Variants in ACOT7 observed in about 807,000 individuals in gnomAD.
ACOT7 encodes acyl-CoA thioesterase 7, also known as cytosolic acyl coenzyme A thioester hydrolase.
ACOT7 carries 12 observed loss-of-function variants against 40.2 expected under a neutral mutation model. That is an observed-to-expected ratio of 0.30 (90% CI 0.19 to 0.48). The LOEUF is 0.48. Ranked by LOEUF, ACOT7 falls within the 20% of genes least tolerant of loss-of-function variation. The probability of loss-of-function intolerance (pLI) is 0.99; values close to 1 mark genes in which losing one functional copy is unlikely to be tolerated. For synonymous variants in ACOT7, 228 were observed against 219.5 expected (o/e 1.04, Z -0.34); for missense variants, 395 against 530.8 (o/e 0.74, Z 2.51).
intron 6 of ACOT7, among the ~76,000 whole-genome samples, chr1:6,305,477 T>C (rs1397909106): frequency 1.4e-5 from 2 of 142,368 alleles, no homozygotes; most frequent in Non-Finnish European, 3.1e-5. Context: ...CCAGACGGGG[T>C]GGCTGCCGGG....
In ACOT7 at chr1:6,281,262, C is replaced by A; in HGVS notation, c.854G>T (p.Arg285Leu). 6.2e-7 allele frequency: 1 copy of A among 1,613,616 alleles called. No individual in the cohort carries two copies. Among genetic ancestry groups the A allele is most frequent in the Non-Finnish European group, 8.5e-7 (1 of 1,179,988 alleles). The change falls in exon 8 of 9, where the codon CGC becomes CTC. Residue 285 changes from arginine (R) to leucine (L), a missense_variant. Physicochemically the swap from Arg to Leu is moderately radical, Grantham distance 102. Coordinates refer to ENST00000361521, the MANE Select transcript of ACOT7 (RefSeq NM_007274.4). Reference protein sequence around the residue: ...RKGCVITISGRMTFTSNKSME... With the variant: ...RKGCVITISGLMTFTSNKSME... The stretch of plus-strand genomic sequence containing the variant: ...GGACTTATTGCTCGTGAAGGTCATG[C>A]GTCCCGAGATGGTGATGACGCAGCC...
chr1:6,365,986 C>T (rs1417634351), intron 1 of ACOT7, among the ~76,000 whole-genome samples: 2 of 151,604 alleles, frequency 1.3e-5, no homozygotes, highest in African/African-American at 4.8e-5. Flanking sequence ...CCTCTGCCTC[C>T]CGGGTTCAAG....
At chr1:6,265,402 A>G (rs536937966) in intron 8 of ACOT7, among the ~76,000 whole-genome samples, 6 of 152,252 alleles carry the variant, frequency 3.9e-5, no homozygotes, top group Non-Finnish European at 8.8e-5. Context: ...ACTGGGAGCA[A>G]TAGGCCTGCT....
At position 6,274,161 on chromosome 1, in the gene ACOT7, C is replaced by A. The variant is rs1420806737; in HGVS notation, c.1014+6941G>T. Among the ~76,000 whole-genome samples, 1 of 152,180 alleles carries A rather than the reference C, an allele frequency of 6.6e-6. No homozygotes were observed. Among genetic ancestry groups the A allele is most frequent in the Non-Finnish European group, 1.5e-5 (1 of 68,020 alleles). Reference sequence around the variant, plus strand: ...GCAGGCACCATCATGGAAAGCTTGCCCCATGCTTCCTCCTAAGTGCAAAGG... The same window carrying A: ...GCAGGCACCATCATGGAAAGCTTGCACCATGCTTCCTCCTAAGTGCAAAGG... On this transcript the variant is annotated intron_variant, in intron 8 of 8. Transcript: ENST00000361521. This position sits in a 1 kb window ranked among gnomAD's most constrained non-coding sequence, Gnocchi z 5.9.
At chr1:6,305,715 A>G (rs1442729368) in intron 6 of ACOT7, among the ~76,000 whole-genome samples, 1 of 147,340 alleles carries the variant, frequency 6.8e-6, no homozygotes, top group East Asian at 2.0e-4. Flanking sequence ...CTGGGCAGCC[A>G]GGCAGAGAGG....
At chr1:6,290,040 T>C (rs1407729511) in intron 7 of ACOT7, among the ~76,000 whole-genome samples, 1 of 151,822 alleles carries the variant, frequency 6.6e-6, no homozygotes, top group Non-Finnish European at 1.5e-5. Flanking sequence ...GTGGGCCTGA[T>C]AGAATCACAG....
chr1:6,304,391 T>A (rs1307286251), intron 6 of ACOT7, among the ~76,000 whole-genome samples: 1 of 135,264 alleles, frequency 7.4e-6, no homozygotes, highest in Non-Finnish European at 1.6e-5. Context: ...GAAAAGTACG[T>A]TCTTTTTTTT....
Position 6,288,745 on chromosome 1 carries a change from G to GGCC in ACOT7, c.829+6116_829+6118dup, listed in dbSNP as rs1412751234. 6.6e-6 allele frequency among the ~76,000 whole-genome samples: 1 copy of GGCC among 152,214 alleles called. No homozygotes were observed. Among genetic ancestry groups the GGCC allele is most frequent in the African/African-American group, 2.4e-5 (1 of 41,462 alleles). On this transcript the variant is annotated intron_variant, in intron 7 of 8. Transcript: ENST00000361521. This position sits in a 1 kb window ranked among gnomAD's most constrained non-coding sequence, Gnocchi z 4.3. ...ACGGCAGGGTGGCAGTGGCCTCCAT[G>GGCC]GCCGCGGGTGAGGCCTCTCCCAGCC...
chr1:6,339,353 G>A (rs996333805), intron 3 of ACOT7, 80 bp downstream of exon 3: 21 of 1,592,894 alleles, frequency 1.3e-5, no homozygotes, highest in African/African-American at 1.1e-4. Context: ...GCCCTGGAGC[G>A]TCCTCTGCCC....
chr1:6,303,700 T>C (rs1640034486), intron 6 of ACOT7, among the ~76,000 whole-genome samples: 1 of 152,164 alleles, frequency 6.6e-6, no homozygotes, highest in African/African-American at 2.4e-5. Context: ...CCCCACCCGT[T>C]AGTAATTACA....
At chr1:6,298,974 C>T (rs17361663) in intron 6 of ACOT7, among the ~76,000 whole-genome samples, 10,320 of 152,298 alleles carry the variant, frequency 0.068, 397 homozygotes, top group Non-Finnish European at 0.088. Flanking sequence ...GGTTCAGGAG[C>T]AGAGTCTGGA....
At chr1:6,318,446 T>G in intron 6 of ACOT7, 46 bp downstream of exon 6, 30 of 1,584,212 alleles carry the variant, frequency 1.9e-5, no homozygotes, top group Non-Finnish European at 2.6e-5. Flanking sequence ...GAAGCAACAA[T>G]GAGCCAAGGG....
At chr1:6,268,481 A>G (rs1397600060) in intron 8 of ACOT7, among the ~76,000 whole-genome samples, 1 of 152,200 alleles carries the variant, frequency 6.6e-6, no homozygotes, top group Non-Finnish European at 1.5e-5. Context: ...GGCACCAATG[A>G]TCTCCAGGCC....
chr1:6,386,184 G>A (rs1391746347), intron 1 of ACOT7, among the ~76,000 whole-genome samples: 3 of 152,206 alleles, frequency 2.0e-5, no homozygotes, highest in African/African-American at 7.2e-5. Context: ...CGCACAACAC[G>A]GCAGGTGCCT....
intron 1 of ACOT7, among the ~76,000 whole-genome samples, chr1:6,370,195 C>G (rs1001553375): frequency 2.0e-5 from 3 of 152,156 alleles, no homozygotes; most frequent in African/African-American, 7.2e-5. Context: ...CTGCACACAC[C>G]AGCTTCCCTT....
rs369497538 is a variant in ACOT7, at chr1:6,378,111, A to G, written c.143+15146T>C. ...ACAAACAAACAACGGCACCAGTTAC[A>G]AGGCCAAAGCATCCACTCGCTACAA... On this transcript the variant is annotated intron_variant, in intron 1 of 8. Coordinates refer to ENST00000361521, the MANE Select transcript of ACOT7 (RefSeq NM_007274.4). 3.9e-5 allele frequency among the ~76,000 whole-genome samples: 6 copies of G among 152,094 alleles called. No homozygotes were observed. The East Asian group carries it at 9.7e-4, about 25-fold the overall frequency.
chr1:6,299,665 A>AGTGTGTGT lies in ACOT7; in HGVS notation c.713-4693_713-4686dup, dbSNP rs3838286. Among the ~76,000 whole-genome samples the AGTGTGTGT allele has an allele frequency of 8.8e-3, 1,301 of 148,532 alleles. 21 individuals are homozygous for AGTGTGTGT. Among genetic ancestry groups the AGTGTGTGT allele is most frequent in the African/African-American group, 0.029 (1,174 of 40,330 alleles). ...CAGAGAGAGAGAGAGAGAGAGCGCA[A>AGTGTGTGT]GTGTGTGTGTGTGTGTGTGTGTGTG... is the stretch of plus-strand genomic sequence containing the variant. On this transcript the variant is annotated intron_variant, in intron 6 of 8. Transcript: ENST00000361521. This position sits in a 1 kb window ranked among gnomAD's most constrained non-coding sequence, Gnocchi z 4.1.
chr1:6,378,086 A>T (rs1200136820), intron 1 of ACOT7, among the ~76,000 whole-genome samples: 1 of 151,938 alleles, frequency 6.6e-6, no homozygotes, highest in East Asian at 1.9e-4. Context: ...AAACAAACAA[A>T]CAAACAAACA....
chr1:6,347,097 C>A (rs1641447149), intron 2 of ACOT7, among the ~76,000 whole-genome samples: 2 of 152,148 alleles, frequency 1.3e-5, no homozygotes, highest in Non-Finnish European at 2.9e-5. Flanking sequence ...CTGGAAGGCA[C>A]CACCAGGGGA....
Sources: gnomAD v4.1 joint callset for allele counts (sites outside exome capture counted in the v4.1 genomes callset) on GRCh38, gnomAD v4.1.1 for gene constraint, Gnocchi (gnomAD v3.1) non-coding constraint, MANE v1.5 for transcripts, NCBI Gene and HGNC (gene_info 2026-07-23, HGNC 2026-07-21) for gene names.